CACNG2: variants seen among roughly 807,000 people sequenced by gnomAD.
The protein encoded by CACNG2 is calcium voltage-gated channel auxiliary subunit gamma 2.
In CACNG2, 3 loss-of-function variants were observed where a neutral mutation model predicts 25.9. That is an observed-to-expected ratio of 0.12 (90% confidence interval 0.05 to 0.30). The LOEUF is 0.30. Among genes scored for constraint, CACNG2 ranks in the 10% least tolerant of loss-of-function variants. The pLI is 1.00. For missense variants in CACNG2, 341 were observed against 432.5 expected (o/e 0.79, Z 1.88); for synonymous variants, 167 against 173.3 (o/e 0.96, Z 0.29).
intron 1 of CACNG2, among the ~76,000 whole-genome samples, chr22:36,650,828 C>A (rs1418131157): frequency 6.6e-6 from 1 of 152,190 alleles, no homozygotes; most frequent in Non-Finnish European, 1.5e-5. Flanking sequence ...CCCTCTTTGC[C>A]ATTGTAAAAC....
At chr22:36,615,913 T>C (rs1192182272) in intron 1 of CACNG2, among the ~76,000 whole-genome samples, 2 of 152,238 alleles carry the variant, frequency 1.3e-5, no homozygotes, top group East Asian at 3.8e-4. Flanking sequence ...GGTATGAAAG[T>C]GTGTCTATGT....
chr22:36,659,460 A>G (rs987894254), intron 1 of CACNG2, among the ~76,000 whole-genome samples: 4 of 152,090 alleles, frequency 2.6e-5, no homozygotes, highest in African/African-American at 2.4e-5. Flanking sequence ...CATGTGAGGA[A>G]ACTGAGGCTC....
At chr22:36,569,729 G>A (rs551829989) in intron 2 of CACNG2, among the ~76,000 whole-genome samples, 233 of 152,200 alleles carry the variant, frequency 1.5e-3, no homozygotes, top group Middle Eastern at 6.8e-3. Context: ...TAGTAGAGAT[G>A]GGTTTTCGCC....
chr22:36,649,427 G>T (rs1013054059), intron 1 of CACNG2, among the ~76,000 whole-genome samples: 3 of 151,712 alleles, frequency 2.0e-5, no homozygotes. Context: ...GAGTAGCTGG[G>T]ATTACAGGCA....
chr22:36,663,047 A>G (rs957161857), intron 1 of CACNG2, among the ~76,000 whole-genome samples: 9 of 143,734 alleles, frequency 6.3e-5, no homozygotes, highest in Middle Eastern at 3.4e-3. Flanking sequence ...TTAAAAAAAA[A>G]AGAGAGAGAG....
At chr22:36,597,832 C>A (rs1958529410) in intron 1 of CACNG2, among the ~76,000 whole-genome samples, 1 of 152,240 alleles carries the variant, frequency 6.6e-6, no homozygotes, top group Non-Finnish European at 1.5e-5. Flanking sequence ...TGCCAGGCCC[C>A]AGTGGCGGGG....
Position 36,564,942 on chromosome 22 carries a change from A to G in CACNG2, c.437-56T>C. 2 of 1,539,698 alleles carry G rather than the reference A, an allele frequency of 1.3e-6. No individual in the cohort carries two copies. The highest frequency in any genetic ancestry group is 1.8e-6 in the Non-Finnish European group (2 of 1,125,654). On this transcript the variant is annotated intron_variant, in intron 3 of 3. Coordinates refer to ENST00000300105, the MANE Select transcript of CACNG2 (RefSeq NM_006078.5). The surrounding 1 kb of genome is among the most constrained non-coding windows in gnomAD (Gnocchi z 6.7). ...TCAGAGAGAAGGACGTTAGTTTCTC[A>G]GGAAGTCGGCCACAGGGCAGCCGTA...
At chr22:36,639,930 C>T (rs1389732680) in intron 1 of CACNG2, among the ~76,000 whole-genome samples, 1 of 152,146 alleles carries the variant, frequency 6.6e-6, no homozygotes, top group Admixed American at 6.5e-5. Flanking sequence ...GCCATTTAGC[C>T]CCCACAGGGA....
chr22:36,648,591 T>C (rs1936563342), intron 1 of CACNG2, among the ~76,000 whole-genome samples: 1 of 152,144 alleles, frequency 6.6e-6, no homozygotes, highest in African/African-American at 2.4e-5. Flanking sequence ...GACCTCCTAC[T>C]TCACCCTTCT....
At chr22:36,589,979 G>A (rs555915775) in intron 1 of CACNG2, among the ~76,000 whole-genome samples, 48 of 152,264 alleles carry the variant, frequency 3.2e-4, no homozygotes, top group Admixed American at 2.2e-3. Context: ...TCAGCAAGCC[G>A]GTGCCAGGCA....
chr22:36,668,345 G>C (rs188084283), intron 1 of CACNG2, among the ~76,000 whole-genome samples: 1 of 152,238 alleles, frequency 6.6e-6, no homozygotes, highest in East Asian at 1.9e-4. Flanking sequence ...TATATAGAGA[G>C]ATATAAGCGG....
rs187597159 is a variant in CACNG2 at position 36,697,389 on chromosome 22, G to A, written c.211+4977C>T. Among the ~76,000 whole-genome samples, 57 of 152,292 alleles carry A rather than the reference G, an allele frequency of 3.7e-4. 1 individual carries two copies. Among genetic ancestry groups the A allele is most frequent in the Non-Finnish European group, 1.5e-4 (10 of 68,022 alleles). ...ACAGTGCTTATTAGTGGATATAAGCGGGAGGCCACCGTGGCTTGGGTCTAC... is the reference window on the plus strand; with the variant it reads ...ACAGTGCTTATTAGTGGATATAAGCAGGAGGCCACCGTGGCTTGGGTCTAC... On this transcript the variant is annotated intron_variant, in intron 1 of 3. Coordinates refer to ENST00000300105, the MANE Select transcript of CACNG2 (RefSeq NM_006078.5).
chr22:36,656,857 G>A (rs965476625), intron 1 of CACNG2, among the ~76,000 whole-genome samples: 2 of 152,288 alleles, frequency 1.3e-5, no homozygotes, highest in South Asian at 2.1e-4. Flanking sequence ...CCTGGCCAAC[G>A]CTCTCTGGCC....
At chr22:36,603,301 G>C (rs113474217) in intron 1 of CACNG2, among the ~76,000 whole-genome samples, 3,902 of 152,304 alleles carry the variant, frequency 0.026, 124 homozygotes, top group Admixed American at 0.085. Context: ...CAGAAGAAAA[G>C]CTGGAAGCTA....
intron 1 of CACNG2, among the ~76,000 whole-genome samples, chr22:36,670,461 C>T (rs926070054): frequency 6.6e-6 from 1 of 152,094 alleles, no homozygotes; most frequent in Non-Finnish European, 1.5e-5. Flanking sequence ...TCTCTCTGGG[C>T]TGTTATAAAA....
At chr22:36,624,631 G>C (rs73884116) in intron 1 of CACNG2, among the ~76,000 whole-genome samples, 6,913 of 152,056 alleles carry the variant, frequency 0.045, 532 homozygotes, top group African/African-American at 0.16. Context: ...CCTGCCCCTA[G>C]TTCTTTGGGA....
intron 1 of CACNG2, among the ~76,000 whole-genome samples, chr22:36,656,925 T>A (rs1936715094): frequency 1.3e-5 from 2 of 152,204 alleles, no homozygotes; most frequent in African/African-American, 4.8e-5. Flanking sequence ...ATATTTTGCT[T>A]TATTTATCGA....
At chr22:36,614,183 G>A (rs1935988273) in intron 1 of CACNG2, among the ~76,000 whole-genome samples, 1 of 152,086 alleles carries the variant, frequency 6.6e-6, no homozygotes. Flanking sequence ...TTGATCTTCA[G>A]AAACTACATC....
intron 1 of CACNG2, among the ~76,000 whole-genome samples, chr22:36,656,995 T>A (rs1569042907): frequency 1.3e-5 from 2 of 152,214 alleles, no homozygotes; most frequent in Non-Finnish European, 2.9e-5. Flanking sequence ...GGACTTTTGT[T>A]TGCTCTGTCC....
Sources: gnomAD v4.1 joint callset for allele counts (sites outside exome capture counted in the v4.1 genomes callset) on GRCh38, gnomAD v4.1.1 for gene constraint, Gnocchi (gnomAD v3.1) non-coding constraint, MANE v1.5 for transcripts, NCBI Gene and HGNC (gene_info 2026-07-23, HGNC 2026-07-21) for gene names.